Variants in B4GALNT3 observed in about 807,000 individuals in gnomAD.
The protein encoded by B4GALNT3 is beta-1,4-N-acetyl-galactosaminyltransferase 3.
Under a neutral mutation model 120.2 loss-of-function variants are expected in B4GALNT3, and 86 were observed. The observed-to-expected ratio is 0.72, with a 90% CI of 0.60 to 0.86. B4GALNT3 has a LOEUF of 0.86. Ranked by LOEUF, B4GALNT3 falls within the 40% of genes least tolerant of loss-of-function variation. The pLI is 0.00. For synonymous variants in B4GALNT3, 518 were observed against 510.4 expected, an observed-to-expected ratio of 1.01 and a Z score of -0.20; for missense variants, 1,167 against 1,298.9, an observed-to-expected ratio of 0.90 and a Z score of 1.56.
chr12:480,791 T>C (rs1052754606), intron 1 of B4GALNT3, among the ~76,000 whole-genome samples: 1 of 152,146 alleles, frequency 6.6e-6, no homozygotes, highest in African/African-American at 2.4e-5. Flanking sequence ...ACGATGGTCC[T>C]TAGACATCTC....
At chr12:489,343 C>T (rs1946319902) in intron 1 of B4GALNT3, among the ~76,000 whole-genome samples, 1 of 148,168 alleles carries the variant, frequency 6.7e-6, no homozygotes, top group Non-Finnish European at 1.5e-5. Context: ...AAAAAAAAAC[C>T]CACAAAATAC....
chr12:526,503 T>C (rs986990840), intron 1 of B4GALNT3, among the ~76,000 whole-genome samples: 16 of 152,238 alleles, frequency 1.1e-4, no homozygotes, highest in African/African-American at 3.4e-4. Flanking sequence ...GCTAGGTCCA[T>C]GGGCTCCGGC....
chr12:467,668 T>C (rs1204300322), intron 1 of B4GALNT3, among the ~76,000 whole-genome samples: 1 of 152,210 alleles, frequency 6.6e-6, no homozygotes, highest in East Asian at 1.9e-4. Flanking sequence ...CTTTTTTGCC[T>C]TTAGGCACCA....
At chr12:475,860 C>T (rs1369838439) in intron 1 of B4GALNT3, among the ~76,000 whole-genome samples, 1 of 152,196 alleles carries the variant, frequency 6.6e-6, no homozygotes, top group Non-Finnish European at 1.5e-5. Flanking sequence ...TTGCTTCACT[C>T]TCCCCACAGC....
At position 551,027 on chromosome 12, in the gene B4GALNT3, G is replaced by A. The variant is rs575139341; in HGVS notation, c.1103G>A (p.Arg368Gln). The A allele has an allele frequency of 2.0e-5, 32 of 1,607,264 alleles. No individual in the cohort carries two copies. Among genetic ancestry groups the A allele is most frequent in the African/African-American group, 1.7e-4 (13 of 74,878 alleles). Residue 368 changes from arginine (R) to glutamine (Q), a missense_variant, in exon 11 of 20, where the codon CGG (arginine) becomes CAG (glutamine). Coordinates refer to ENST00000266383, the MANE Select transcript of B4GALNT3 (RefSeq NM_173593.4). ...GLPLQRYQGL[R>Q]FVHLSFVYPN... is the part of the protein sequence containing the mutation. ...CCTCTGCAGCGCTACCAGGGACTCC[G>A]GTTTGTAAGTCTTGGGCCTGGGTCA...
At chr12:498,322 C>A (rs929436494) in intron 1 of B4GALNT3, among the ~76,000 whole-genome samples, 1 of 152,158 alleles carries the variant, frequency 6.6e-6, no homozygotes, top group Non-Finnish European at 1.5e-5. Flanking sequence ...CCGCCCAAGT[C>A]CAGTTGTCAC....
intron 1 of B4GALNT3, among the ~76,000 whole-genome samples, chr12:502,309 G>A (rs1478900447): frequency 6.6e-6 from 1 of 152,226 alleles, no homozygotes; most frequent in Non-Finnish European, 1.5e-5. Flanking sequence ...TCGGCATCAG[G>A]TGCTCTGACT....
At chr12:536,718 C>T (rs1175599544) in intron 3 of B4GALNT3, among the ~76,000 whole-genome samples, 1 of 152,154 alleles carries the variant, frequency 6.6e-6, no homozygotes, top group Non-Finnish European at 1.5e-5. Context: ...AGAGAAGGAA[C>T]AATCACATTT....
intron 1 of B4GALNT3, among the ~76,000 whole-genome samples, chr12:514,414 G>A (rs1026014574): frequency 3.3e-5 from 5 of 151,612 alleles, no homozygotes; most frequent in Non-Finnish European, 7.4e-5. Flanking sequence ...AGCCAGGATG[G>A]TCTCGATCTA....
chr12:545,082 C>G, intron 5 of B4GALNT3, 110 bp downstream of exon 5: 2 of 1,479,492 alleles, frequency 1.4e-6, no homozygotes, highest in South Asian at 1.4e-5. Flanking sequence ...CCTGTTAGTC[C>G]ACCCTCAGGA....
chr12:517,846 T>G (rs1946672002), intron 1 of B4GALNT3, among the ~76,000 whole-genome samples: 1 of 152,214 alleles, frequency 6.6e-6, no homozygotes, highest in Non-Finnish European at 1.5e-5. Flanking sequence ...CAGCCATGAC[T>G]TATCAATTCC....
intron 9 of B4GALNT3, among the ~76,000 whole-genome samples, 160 bp from the exon 10 acceptor site, chr12:549,609 C>T (rs888909631): frequency 2.0e-5 from 3 of 152,218 alleles, no homozygotes; most frequent in East Asian, 1.9e-4. Flanking sequence ...GTGAAGCCAC[C>T]GCTGTGGCGG....
At chr12:528,116 C>T (rs144645343) in intron 1 of B4GALNT3, among the ~76,000 whole-genome samples, 1 of 152,244 alleles carries the variant, frequency 6.6e-6, no homozygotes, top group African/African-American at 2.4e-5. Context: ...GGTTTTTGTC[C>T]TGGGTTCAAA....
intron 1 of B4GALNT3, among the ~76,000 whole-genome samples, chr12:462,775 A>C (rs1352213454): frequency 6.6e-6 from 1 of 152,050 alleles, no homozygotes; most frequent in Admixed American, 6.5e-5. Flanking sequence ...TAAGATTTAG[A>C]CTGGAGCTGT....
intron 1 of B4GALNT3, among the ~76,000 whole-genome samples, chr12:478,205 G>C (rs1182315636): frequency 7.1e-6 from 1 of 140,666 alleles, no homozygotes; most frequent in African/African-American, 2.7e-5. Context: ...AGCTGTGTTC[G>C]CACTACTGCA....
At chr12:525,329 G>A (rs148373502) in intron 1 of B4GALNT3, among the ~76,000 whole-genome samples, 2,093 of 152,142 alleles carry the variant, frequency 0.014, 50 homozygotes, top group African/African-American at 0.047. Flanking sequence ...GGCTGGTCTC[G>A]AACTCCTGAC....
chr12:508,438 C>T (rs899683764), intron 1 of B4GALNT3, among the ~76,000 whole-genome samples: 3 of 152,132 alleles, frequency 2.0e-5, no homozygotes, highest in East Asian at 1.9e-4. Context: ...TGCCACCATG[C>T]CTGGCTAATT....
chr12:557,704 A>C lies in B4GALNT3; in HGVS notation c.2477A>C (p.Asp826Ala). 1.2e-6 allele frequency: 2 copies of C among 1,605,820 alleles called. No individual in the cohort carries two copies. The highest frequency in any genetic ancestry group is 1.7e-6 in the Non-Finnish European group (2 of 1,177,280). ...CCACACTTCAACATCGTCATCACTG[A>C]CTATAGCAGTGAGGACATGGATGTT... ...GDPHFNIVIT[D>A]YSSEDMDVEM... is the part of the protein sequence containing the mutation. The change falls in exon 16 of 20, where the codon GAC becomes GCC. Residue 826 changes from aspartate to alanine, a missense_variant. Transcript: ENST00000266383.
intron 1 of B4GALNT3, among the ~76,000 whole-genome samples, chr12:512,137 A>ACCTTCCACCTTCCGCCTTCCG (rs1240128812): frequency 1.8e-5 from 1 of 54,612 alleles, no homozygotes; most frequent in African/African-American, 1.1e-4. Context: ...TCCACCTTCC[A>ACCTTCCACCTTCCGCCTTCCG]CCTTCCACCT....
Sources: allele counts gnomAD v4.1 joint callset (sites outside exome capture counted in the v4.1 genomes callset), GRCh38; gene constraint gnomAD v4.1.1; transcripts MANE v1.5; gene names NCBI Gene and HGNC (gene_info 2026-07-23, HGNC 2026-07-21).